Variants in ADGRL3 observed in about 807,000 individuals in gnomAD.
ADGRL3 encodes adhesion G protein-coupled receptor L3, also known as calcium-independent alpha-latrotoxin receptor 3.
ADGRL3 carries 62 observed loss-of-function variants against 153.5 expected under a neutral mutation model. The observed-to-expected ratio is 0.40, with a 90% CI of 0.33 to 0.50. ADGRL3 has a LOEUF of 0.50. ADGRL3 is among the 20% of genes least tolerant of loss of function. ADGRL3 has a pLI of 0.47. For synonymous variants in ADGRL3, 710 were observed against 672.5 expected (o/e 1.06, Z -0.86); for missense variants, 1,641 against 1,859.4 (o/e 0.88, Z 2.16).
chr4:61,742,089 TG>T (rs2096587381), intron 8 of ADGRL3, among the ~76,000 whole-genome samples: 1 of 152,120 alleles, frequency 6.6e-6, no homozygotes, highest in Non-Finnish European at 1.5e-5. Context: ...TTTTAAGGGT[TG>T]GTAACAGTGC....
At chr4:62,060,880 T>C (rs1739733739) in intron 25 of ADGRL3, among the ~76,000 whole-genome samples, 1 of 151,932 alleles carries the variant, frequency 6.6e-6, no homozygotes, top group Non-Finnish European at 1.5e-5. Flanking sequence ...GATGTATATG[T>C]TTTATATCTT....
intron 1 of ADGRL3, among the ~76,000 whole-genome samples, chr4:61,343,004 A>T (rs1364929410): frequency 6.6e-6 from 1 of 152,220 alleles, no homozygotes; most frequent in Non-Finnish European, 1.5e-5. Context: ...AGACAAAGAG[A>T]GAAAAATGAG....
intron 1 of ADGRL3, among the ~76,000 whole-genome samples, chr4:61,314,852 A>G (rs2095149774): frequency 6.6e-6 from 1 of 152,142 alleles, no homozygotes; most frequent in Non-Finnish European, 1.5e-5. Flanking sequence ...TCCACTCCCA[A>G]GTGTCAATAG....
intron 13 of ADGRL3, among the ~76,000 whole-genome samples, chr4:61,919,898 G>C (rs1198993548): frequency 1.3e-5 from 2 of 152,196 alleles, no homozygotes; most frequent in African/African-American, 4.8e-5. Flanking sequence ...TCCAGCTGCT[G>C]TTTGTATATA....
intron 2 of ADGRL3, among the ~76,000 whole-genome samples, chr4:61,437,836 C>T (rs1032562084): frequency 3.9e-5 from 6 of 152,070 alleles, no homozygotes; most frequent in South Asian, 2.1e-4. Flanking sequence ...GAATTCTGCT[C>T]GTCCTCCTCC....
chr4:61,308,027 G>A (rs2094860285), intron 1 of ADGRL3, among the ~76,000 whole-genome samples: 1 of 152,152 alleles, frequency 6.6e-6, no homozygotes, highest in Admixed American at 6.5e-5. Flanking sequence ...TGTCCAGGAA[G>A]AAGCTGGAGA....
At chr4:61,357,387 C>A (rs980205736) in intron 1 of ADGRL3, among the ~76,000 whole-genome samples, 2 of 151,966 alleles carry the variant, frequency 1.3e-5, no homozygotes, top group African/African-American at 4.8e-5. Context: ...TGGTGTTTTT[C>A]CACTGTCATA....
intron 8 of ADGRL3, among the ~76,000 whole-genome samples, chr4:61,794,516 A>T (rs1406492275): frequency 6.6e-6 from 1 of 152,110 alleles, no homozygotes; most frequent in Non-Finnish European, 1.5e-5. Context: ...TTAAATAATG[A>T]GTGATATTTT....
intron 1 of ADGRL3, among the ~76,000 whole-genome samples, chr4:61,333,848 T>C (rs1276443821): frequency 1.3e-5 from 2 of 152,064 alleles, no homozygotes; most frequent in Non-Finnish European, 2.9e-5. Context: ...ACTCCTGGAT[T>C]CAAGTGATCT....
At chr4:61,267,699 T>C (rs1453107330) in intron 1 of ADGRL3, among the ~76,000 whole-genome samples, 1 of 151,698 alleles carries the variant, frequency 6.6e-6, no homozygotes, top group Non-Finnish European at 1.5e-5. Context: ...CTCTCTCTCA[T>C]GTACTGGCAT....
At chr4:62,021,621 A>G (rs558871857) in intron 21 of ADGRL3, among the ~76,000 whole-genome samples, 30 of 152,166 alleles carry the variant, frequency 2.0e-4, no homozygotes, top group Non-Finnish European at 4.1e-4. Context: ...CAAGTCTATC[A>G]GTGCCATTTT....
chr4:61,800,532 G>A (rs1299443048), intron 8 of ADGRL3, among the ~76,000 whole-genome samples: 3 of 152,094 alleles, frequency 2.0e-5, no homozygotes, highest in Non-Finnish European at 4.4e-5. Context: ...ATTTAGTTAA[G>A]GATACTATCA....
intron 8 of ADGRL3, among the ~76,000 whole-genome samples, chr4:61,772,323 G>A (rs1271437575): frequency 6.6e-6 from 1 of 152,134 alleles, no homozygotes; most frequent in African/African-American, 2.4e-5. Flanking sequence ...CTTAGTCAGT[G>A]GCAGCCCCAG....
At chr4:61,379,648 A>G (rs2096644742) in intron 1 of ADGRL3, among the ~76,000 whole-genome samples, 1 of 152,016 alleles carries the variant, frequency 6.6e-6, no homozygotes. Context: ...CCCTGACTGG[A>G]TAGTTCAGTA....
chr4:61,618,715 C>G (rs943877919), intron 5 of ADGRL3, among the ~76,000 whole-genome samples: 3 of 152,022 alleles, frequency 2.0e-5, no homozygotes, highest in Admixed American at 6.6e-5. Flanking sequence ...TTTCCTTGTT[C>G]GTTTGTTTGT....
At chr4:61,792,496 A>T (rs958922115) in intron 8 of ADGRL3, among the ~76,000 whole-genome samples, 9 of 115,756 alleles carry the variant, frequency 7.8e-5, no homozygotes, top group African/African-American at 2.0e-4. Context: ...TTATTTTATT[A>T]TTTTTTTTTT....
chr4:61,909,420 G>T (rs1025427528), intron 11 of ADGRL3, 140 bp from the exon 12 acceptor site: 1 of 603,334 alleles, frequency 1.7e-6, no homozygotes, highest in African/African-American at 1.9e-5. Flanking sequence ...ATTGGGGAGT[G>T]TATTCCAGAT....
chr4:61,318,205 A>C (rs7664759), intron 1 of ADGRL3, among the ~76,000 whole-genome samples: 6 of 127,388 alleles, frequency 4.7e-5, no homozygotes, highest in African/African-American at 1.7e-4. Context: ...AAAAAAAAAA[A>C]AAAAAAAAAC....
chr4:61,518,280 G>T (rs1463512078), intron 4 of ADGRL3, among the ~76,000 whole-genome samples: 8 of 152,068 alleles, frequency 5.3e-5, no homozygotes, highest in South Asian at 2.1e-4. Flanking sequence ...TATAATATTT[G>T]TAACTTTATT....
Sources: allele counts gnomAD v4.1 joint callset (sites outside exome capture counted in the v4.1 genomes callset), GRCh38; gene constraint gnomAD v4.1.1; transcripts MANE v1.5; gene names NCBI Gene and HGNC (gene_info 2026-07-23, HGNC 2026-07-21).